Variants in FMNL2 observed in about 807,000 individuals in gnomAD.
FMNL2 encodes the protein formin-like protein 2.
In FMNL2, 51 loss-of-function variants were observed where a neutral mutation model predicts 130.2. The observed-to-expected ratio is 0.39, with a 90% CI of 0.31 to 0.49. The LOEUF is 0.49. Among genes scored for constraint, FMNL2 ranks in the 20% least tolerant of loss-of-function variants. The probability of loss-of-function intolerance (pLI) is 0.85; values close to 1 mark genes in which losing one functional copy is unlikely to be tolerated. For missense variants in FMNL2, 977 were observed against 1,316.2 expected, an observed-to-expected ratio of 0.74 and a Z score of 3.99; for synonymous variants, 465 against 467.1, an observed-to-expected ratio of 1.00 and a Z score of 0.06.
intron 1 of FMNL2, among the ~76,000 whole-genome samples, chr2:152,354,300 G>A (rs1339404796): frequency 1.1e-4 from 16 of 152,148 alleles, no homozygotes; most frequent in African/African-American, 3.9e-4. Context: ...GGAATGGATG[G>A]AGTCATTTGG....
chr2:152,646,814 T>C lies in FMNL2; in HGVS notation c.3170-982T>C, dbSNP rs1580181240. 2.0e-5 allele frequency among the ~76,000 whole-genome samples: 3 copies of C among 152,368 alleles called. No homozygotes were observed. The South Asian group carries it at 6.2e-4, about 32-fold the overall frequency. ...AATTAAACAGGAAAAGTATAAAGCC[T>C]GCTTTACTTTTTTCACTATGCCCTG... On this transcript the variant is annotated intron_variant, in intron 25 of 25. Coordinates refer to ENST00000288670, the MANE Select transcript of FMNL2 (RefSeq NM_052905.4).
Position 152,629,892 on chromosome 2 carries a change from A to C in FMNL2, c.2537A>C (p.Gln846Pro). 6.2e-7 allele frequency: 1 copy of C among 1,609,068 alleles called. No homozygotes were observed. Among genetic ancestry groups the C allele is most frequent in the African/African-American group, 1.3e-5 (1 of 75,000 alleles). ...GGAGCAGTTTATGGATTTAAACTTC[A>C]GAGTTTAGATCTGGTGAGTGGACTA... is the stretch of plus-strand genomic sequence containing the variant. The part of the protein sequence containing the change: ...KRGAVYGFKL[Q>P]SLDLLLDTKS... Residue 846 changes from glutamine to proline, a missense_variant, in exon 20 of 26, where the codon CAG becomes CCG. Physicochemically the swap from Gln to Pro is moderately conservative, Grantham distance 76. Transcript: ENST00000288670.
intron 1 of FMNL2, among the ~76,000 whole-genome samples, chr2:152,364,910 T>A (rs767986280): frequency 2.0e-5 from 3 of 152,244 alleles, no homozygotes; most frequent in Non-Finnish European, 2.9e-5. Context: ...AATGCCTTAG[T>A]TAAGCTGAAG....
chr2:152,483,036 C>T (rs1256258831), intron 1 of FMNL2, among the ~76,000 whole-genome samples: 2 of 152,076 alleles, frequency 1.3e-5, no homozygotes, highest in Non-Finnish European at 2.9e-5. Context: ...TAAATAAATC[C>T]AATCCCTTCC....
At position 152,629,716 on chromosome 2, in the gene FMNL2, A is replaced by G. The variant is rs1437119002; in HGVS notation, c.2461A>G (p.Ile821Val). The G allele has an allele frequency of 6.2e-7, 1 of 1,602,316 alleles. No individual in the cohort carries two copies. Among genetic ancestry groups the G allele is most frequent in the South Asian group, 1.1e-5 (1 of 89,098 alleles). ...AAAGTCGTCCCAAAAACTCAAGAAA[A>G]TTCTGGAGGCAAGTGCAGTTTTTCT... Reference protein sequence around the residue: ...SIKSSQKLKKILEIILALGNY... With the variant: ...SIKSSQKLKKVLEIILALGNY... The change falls in exon 19 of 26, where the codon ATT becomes GTT. Residue 821 changes from isoleucine to valine, a missense_variant. Around this residue, in one of 4 missense-constraint regions of FMNL2, gnomAD observed 689 missense variants for 995.9 expected, o/e 0.69. Transcript: ENST00000288670.
intron 1 of FMNL2, among the ~76,000 whole-genome samples, chr2:152,424,318 C>T (rs1362485690): frequency 6.6e-6 from 1 of 151,630 alleles, no homozygotes; most frequent in Non-Finnish European, 1.5e-5. Flanking sequence ...AAATTTGACT[C>T]TTCATACTTA....
intron 1 of FMNL2, among the ~76,000 whole-genome samples, chr2:152,426,719 A>G (rs1000461305): frequency 4.6e-5 from 7 of 152,136 alleles, no homozygotes; most frequent in African/African-American, 1.7e-4. Context: ...CATATAAAAC[A>G]ACAATCTGTT....
chr2:152,504,527 G>A (rs923110460), intron 1 of FMNL2, among the ~76,000 whole-genome samples: 8 of 152,296 alleles, frequency 5.3e-5, no homozygotes, highest in Admixed American at 6.5e-5. Flanking sequence ...TTACAGGCAT[G>A]AGCCACCGCG....
intron 1 of FMNL2, among the ~76,000 whole-genome samples, chr2:152,427,316 A>G (rs1184545896): frequency 1.3e-5 from 2 of 152,080 alleles, no homozygotes; most frequent in African/African-American, 4.8e-5. Flanking sequence ...GGAGGCTGAG[A>G]TGGGTGGATC....
intron 1 of FMNL2, among the ~76,000 whole-genome samples, chr2:152,336,164 G>C (rs1681429474): frequency 6.6e-6 from 1 of 152,100 alleles, no homozygotes; most frequent in South Asian, 2.1e-4. Context: ...GGCCAGCCCG[G>C]GACCTGCGAA....
At chr2:152,361,320 T>G (rs1489332573) in intron 1 of FMNL2, among the ~76,000 whole-genome samples, 1 of 152,196 alleles carries the variant, frequency 6.6e-6, no homozygotes, top group Non-Finnish European at 1.5e-5. Flanking sequence ...CTTGAAAACT[T>G]CCAGTAAAAT....
chr2:152,409,650 G>C (rs1686178000), intron 1 of FMNL2, among the ~76,000 whole-genome samples: 1 of 152,188 alleles, frequency 6.6e-6, no homozygotes, highest in African/African-American at 2.4e-5. Context: ...TGGGTACAGA[G>C]GACATGGCAT....
intron 9 of FMNL2, among the ~76,000 whole-genome samples, chr2:152,592,600 ATTAG>A (rs573531011): frequency 2.7e-4 from 41 of 152,328 alleles, no homozygotes; most frequent in Non-Finnish European, 4.4e-5. Context: ...TAAGGCTACT[ATTAG>A]TTAATTTTCT....
At chr2:152,377,358 A>G (rs759771687) in intron 1 of FMNL2, among the ~76,000 whole-genome samples, 17 of 152,228 alleles carry the variant, frequency 1.1e-4, no homozygotes, top group Admixed American at 2.0e-4. Context: ...TTCTCAGATA[A>G]GCATCTCATC....
intron 1 of FMNL2, among the ~76,000 whole-genome samples, chr2:152,510,684 G>C (rs1007064095): frequency 2.0e-5 from 3 of 152,166 alleles, no homozygotes; most frequent in African/African-American, 7.2e-5. Context: ...TACCACGAGG[G>C]GTGAGAGCCA....
chr2:152,593,744 A>T (rs1009284344), intron 9 of FMNL2, among the ~76,000 whole-genome samples: 9 of 151,510 alleles, frequency 5.9e-5, no homozygotes, highest in African/African-American at 1.7e-4. Flanking sequence ...TTTTTAATTT[A>T]TTTTTTTAGT....
intron 4 of FMNL2, among the ~76,000 whole-genome samples, chr2:152,557,356 T>C (rs1350010420): frequency 6.6e-6 from 1 of 152,176 alleles, no homozygotes; most frequent in East Asian, 1.9e-4. Flanking sequence ...AGGTCTCTCT[T>C]AAATTAAATG....
intron 18 of FMNL2, among the ~76,000 whole-genome samples, chr2:152,629,380 G>C (rs181443443): frequency 6.7e-4 from 102 of 152,230 alleles, no homozygotes; most frequent in African/African-American, 2.4e-3. Context: ...CTGAGTCTTA[G>C]TGGTTGTAGA....
chr2:152,453,940 A>G (rs1334354393), intron 1 of FMNL2, among the ~76,000 whole-genome samples: 1 of 152,174 alleles, frequency 6.6e-6, no homozygotes, highest in African/African-American at 2.4e-5. Flanking sequence ...TACCTCAGGT[A>G]TTGTATTGTG....
Sources: allele counts gnomAD v4.1 joint callset (sites outside exome capture counted in the v4.1 genomes callset), GRCh38; gene constraint gnomAD v4.1.1; regional missense constraint gnomAD v4.1.1; transcripts MANE v1.5; gene names NCBI Gene and HGNC (gene_info 2026-07-23, HGNC 2026-07-21).